Variants in CD1B observed in about 807,000 individuals in gnomAD.
The protein encoded by CD1B is T-cell surface glycoprotein CD1b.
Under a neutral mutation model 39.8 loss-of-function variants are expected in CD1B, and 43 were observed. The ratio of observed to expected loss-of-function variants is 1.08; its 90% CI spans 0.85 to 1.39. The LOEUF is 1.39. Among genes scored for constraint, CD1B ranks in the 40% most tolerant of loss-of-function variants. The pLI, the probability that CD1B is intolerant of heterozygous loss-of-function variation, is 0.00. For missense variants in CD1B, 495 were observed against 403.8 expected (o/e 1.23, Z -1.94); for synonymous variants, 192 against 152.5 (o/e 1.26, Z -1.91).
the CD1B span, among the ~76,000 whole-genome samples, chr1:158,304,182 T>C: frequency 0.038 from 5,795 of 152,212 alleles, 359 homozygotes; most frequent in African/African-American, 0.13. Context: ...AGGGAATTCC[T>C]TTTCCTAATC....
At chr1:158,319,568 A>AT in the CD1B span, among the ~76,000 whole-genome samples, 4 of 151,884 alleles carry the variant, frequency 2.6e-5, no homozygotes, top group South Asian at 8.3e-4. Context: ...ATTCTTCTAA[A>AT]TTTTTTTCCA....
chr1:158,310,046 C>A, the CD1B span, among the ~76,000 whole-genome samples: 1 of 151,376 alleles, frequency 6.6e-6, no homozygotes, highest in Non-Finnish European at 1.5e-5. Context: ...GCTGGAAGCA[C>A]CACACTATCT....
Position 158,329,934 on chromosome 1 carries a change from A to G in CD1B, c.525T>C (p.Thr175=), listed in dbSNP as rs139570399. The change falls in exon 3 of 6, where the codon ACT becomes ACC. Residue 175 remains threonine (T), a synonymous_variant. Coordinates refer to ENST00000368168, the MANE Select transcript of CD1B (RefSeq NM_001764.3). ...AGGTTTCATAGAGGAGAATTCTCAC[A>G]GTTTCCATGATACCTTGATATTGTA... The part of the protein sequence containing the change: ...LIIQYQGIME[T]VRILLYETCP... 9 of 1,614,068 alleles carry G rather than the reference A, an allele frequency of 5.6e-6. No homozygotes were observed. Among genetic ancestry groups the G allele is most frequent in the Non-Finnish European group, 7.6e-6 (9 of 1,179,974 alleles).
chr1:158,287,420 A>C, the CD1B span, among the ~76,000 whole-genome samples: 1 of 152,184 alleles, frequency 6.6e-6, no homozygotes, highest in Non-Finnish European at 1.5e-5. Context: ...CCGTTTAGAC[A>C]TGAGATTGAC....
the CD1B span, among the ~76,000 whole-genome samples, chr1:158,315,098 A>G: frequency 1.6e-4 from 24 of 151,506 alleles, no homozygotes; most frequent in African/African-American, 5.4e-4. Flanking sequence ...GCTATTGTGA[A>G]TAATGCCGCA....
the CD1B span, among the ~76,000 whole-genome samples, chr1:158,299,221 T>G: frequency 6.6e-6 from 1 of 152,230 alleles, no homozygotes; most frequent in Non-Finnish European, 1.5e-5. Context: ...TTTTTTAGCA[T>G]GAACAGCTGT....
At chr1:158,291,973 C>A in the CD1B span, 1 of 1,076,234 alleles carries the variant, frequency 9.3e-7, no homozygotes, top group Non-Finnish European at 1.3e-6. Context: ...GGCTCACTCT[C>A]ACATCCATGT....
the CD1B span, chr1:158,292,612 G>C: frequency 6.2e-7 from 1 of 1,612,718 alleles, no homozygotes; most frequent in South Asian, 1.1e-5. Context: ...CAGAAGCCTG[G>C]CTGTCCAGTC....
chr1:158,319,756 C>T, the CD1B span, among the ~76,000 whole-genome samples: 1 of 152,186 alleles, frequency 6.6e-6, no homozygotes, highest in Admixed American at 6.5e-5. Context: ...TTAGAGTTTC[C>T]AGTTTTTCTG....
chr1:158,319,431 T>C, the CD1B span, among the ~76,000 whole-genome samples: 1 of 152,362 alleles, frequency 6.6e-6, no homozygotes, highest in Admixed American at 6.5e-5. Context: ...CCATCAATGA[T>C]ACCCTTTCTT....
the CD1B span, chr1:158,293,775 T>C: frequency 1.8e-6 from 1 of 566,254 alleles, no homozygotes; most frequent in Middle Eastern, 4.7e-4. Flanking sequence ...CTTCCTACCC[T>C]GTGTTGCAGC....
At chr1:158,326,061 C>A (rs893284398), downstream of CD1B, among the ~76,000 whole-genome samples, 1 of 152,176 alleles carries the variant, frequency 6.6e-6, no homozygotes, top group African/African-American at 2.4e-5. Context: ...GCTCCGCCTC[C>A]CGGGTTCATG....
chr1:158,300,917 C>T, the CD1B span, among the ~76,000 whole-genome samples: 5 of 151,464 alleles, frequency 3.3e-5, no homozygotes, highest in Non-Finnish European at 7.4e-5. Context: ...CACCACCATG[C>T]CCAGCTAATT....
the CD1B span, among the ~76,000 whole-genome samples, chr1:158,313,464 C>A: frequency 1.3e-5 from 2 of 152,134 alleles, no homozygotes; most frequent in African/African-American, 4.8e-5. Context: ...GCGCCCACCA[C>A]CATTTTTGGC....
the CD1B span, chr1:158,292,551 T>G: frequency 1.9e-6 from 3 of 1,592,448 alleles, no homozygotes; most frequent in Admixed American, 5.1e-5. Context: ...GGATGTAAGT[T>G]GTGTGTAAGT....
At chr1:158,296,450 A>T in the CD1B span, among the ~76,000 whole-genome samples, 1 of 152,178 alleles carries the variant, frequency 6.6e-6, no homozygotes, top group South Asian at 2.1e-4. Flanking sequence ...GCCCCATCAA[A>T]AGGACAGCAA....
chr1:158,318,194 C>G, the CD1B span, among the ~76,000 whole-genome samples: 1 of 152,144 alleles, frequency 6.6e-6, no homozygotes, highest in African/African-American at 2.4e-5. Context: ...TGGGGCAGAG[C>G]TGAGTTCAAT....
chr1:158,319,548 C>T, the CD1B span, among the ~76,000 whole-genome samples: 113 of 152,290 alleles, frequency 7.4e-4, 1 homozygote, highest in East Asian at 4.1e-3. Flanking sequence ...GTTGGTTATT[C>T]TAGTTATACA....
At chr1:158,305,890 T>C in the CD1B span, among the ~76,000 whole-genome samples, 5 of 152,198 alleles carry the variant, frequency 3.3e-5, no homozygotes, top group African/African-American at 1.2e-4. Flanking sequence ...CTGAGAGATT[T>C]TGTCATCACC....
Sources: allele counts gnomAD v4.1 joint callset (sites outside exome capture counted in the v4.1 genomes callset), GRCh38; gene constraint gnomAD v4.1.1; transcripts MANE v1.5; gene names NCBI Gene and HGNC (gene_info 2026-07-23, HGNC 2026-07-21).